MEF2C: variants seen among roughly 807,000 people sequenced by gnomAD.
The protein encoded by MEF2C is myocyte-specific enhancer factor 2C.
MEF2C carries 6 observed loss-of-function variants against 50.5 expected under a neutral mutation model. That is an observed-to-expected ratio of 0.12 (90% confidence interval 0.07 to 0.23). The LOEUF is 0.23. Among genes scored for constraint, MEF2C ranks in the 10% least tolerant of loss-of-function variants. The pLI, the probability that MEF2C is intolerant of heterozygous loss-of-function variation, is 1.00. For synonymous variants in MEF2C, 183 were observed against 228.0 expected, an observed-to-expected ratio of 0.80 and a Z score of 1.78; for missense variants, 276 against 605.0, an observed-to-expected ratio of 0.46 and a Z score of 5.70.
intron 3 of MEF2C, among the ~76,000 whole-genome samples, chr5:88,765,702 T>C (rs1462581323): frequency 6.6e-6 from 1 of 152,216 alleles, no homozygotes; most frequent in African/African-American, 2.4e-5. Context: ...ATTGTCATTC[T>C]TTTACAGGGG....
chr5:88,731,976 G>C, intron 6 of MEF2C, 75 bp from the exon 7 acceptor site: 1 of 1,345,822 alleles, frequency 7.4e-7, no homozygotes, highest in South Asian at 1.5e-5. Context: ...CACAACATGA[G>C]AATAAAAACA....
intron 3 of MEF2C, among the ~76,000 whole-genome samples, chr5:88,803,165 A>T (rs1360878753): frequency 6.6e-6 from 1 of 152,238 alleles, no homozygotes; most frequent in Non-Finnish European, 1.5e-5. Context: ...AGTGATCCTA[A>T]ATTTCAAGAT....
intron 2 of MEF2C, among the ~76,000 whole-genome samples, chr5:88,805,823 C>CT (rs869224140): frequency 0.24 from 14,583 of 61,678 alleles, 4,403 homozygotes; most frequent in Non-Finnish European, 0.33. Flanking sequence ...CGTGAACATT[C>CT]TTTTTTTTTT....
chr5:88,739,929 G>T (rs1366932034), intron 6 of MEF2C: 1 of 985,108 alleles, frequency 1.0e-6, no homozygotes, highest in Admixed American at 6.2e-5. Flanking sequence ...CAAAATAAAG[G>T]CTCCACTTTT....
intron 3 of MEF2C, among the ~76,000 whole-genome samples, chr5:88,802,068 T>C (rs1798595433): frequency 6.6e-6 from 1 of 152,228 alleles, no homozygotes; most frequent in African/African-American, 2.4e-5. Flanking sequence ...ATCCAAATAA[T>C]TGAGCCATCC....
upstream of MEF2C, chr5:88,883,755 C>G (rs1357035682): frequency 1.3e-5 from 2 of 152,062 alleles, no homozygotes; most frequent in Admixed American, 1.3e-4. Flanking sequence ...TTCACTCTTG[C>G]AAAAGGGGGG....
At chr5:88,836,258 T>C (rs1815060621) in intron 1 of MEF2C, among the ~76,000 whole-genome samples, 1 of 152,126 alleles carries the variant, frequency 6.6e-6, no homozygotes, top group South Asian at 2.1e-4. Flanking sequence ...ATAGATATTA[T>C]AACAAAAAAT....
chr5:88,803,903 T>C (rs1312525304), intron 3 of MEF2C, among the ~76,000 whole-genome samples: 2 of 152,200 alleles, frequency 1.3e-5, no homozygotes, highest in African/African-American at 4.8e-5. Context: ...ACTTTCAGCA[T>C]CATGCTTATT....
intron 4 of MEF2C, among the ~76,000 whole-genome samples, chr5:88,758,244 C>A (rs1776261645): frequency 6.6e-6 from 1 of 152,142 alleles, no homozygotes; most frequent in African/African-American, 2.4e-5. Flanking sequence ...CATACTGTTT[C>A]TTTCCACTTC....
chr5:88,829,386 T>C (rs1256355800), intron 1 of MEF2C, among the ~76,000 whole-genome samples: 1 of 152,044 alleles, frequency 6.6e-6, no homozygotes, highest in Admixed American at 6.6e-5. Context: ...TCCTTCTCCT[T>C]TGCAGCACTC....
At chr5:88,844,734 G>T (rs1818686650) in intron 1 of MEF2C, 1 of 221,342 alleles carries the variant, frequency 4.5e-6, no homozygotes, top group South Asian at 1.6e-4. Flanking sequence ...TTTAAATAGT[G>T]TTATAGTATA....
rs1278308798 is a variant in MEF2C at position 88,721,630 on chromosome 5, A to AT, written c.*973dup. 118 of 152,642 alleles carry AT rather than the reference A, an allele frequency of 7.7e-4. No individual in the cohort carries two copies. Among genetic ancestry groups the AT allele is most frequent in the Non-Finnish European group, 5.7e-4 (39 of 68,014 alleles). 9.5% of individuals were successfully genotyped at this position (152,642 alleles called of 1,614,324 possible). On this transcript the variant is annotated 3_prime_UTR_variant, in exon 11 of 11. Transcript: ENST00000504921. ...ATACACAAGCATGTTAATTTCACAGATTTTTTTAAAAGATTCTTAATATTT... is the reference window on the plus strand; with the variant it reads ...ATACACAAGCATGTTAATTTCACAGATTTTTTTTAAAAGATTCTTAATATTT...
At chr5:88,772,703 T>C (rs1309248772) in intron 3 of MEF2C, 1 of 982,812 alleles carries the variant, frequency 1.0e-6, no homozygotes, top group Admixed American at 6.2e-5. Flanking sequence ...TTCAAATCTT[T>C]TTAAAATTGA....
intron 1 of MEF2C, among the ~76,000 whole-genome samples, chr5:88,875,043 A>T (rs982675214): frequency 4.6e-5 from 7 of 151,984 alleles, no homozygotes; most frequent in Admixed American, 3.9e-4. Flanking sequence ...AGGATTTTTT[A>T]AAAATCACAT....
chr5:88,750,245 C>T, intron 5 of MEF2C: 1 of 273,422 alleles, frequency 3.7e-6, no homozygotes, highest in Non-Finnish European at 5.5e-6. Flanking sequence ...GCTCTGTTGC[C>T]CAGGCTGGAG....
At chr5:88,817,549 A>C (rs1422051123) in intron 2 of MEF2C, among the ~76,000 whole-genome samples, 1 of 151,982 alleles carries the variant, frequency 6.6e-6, no homozygotes, top group Non-Finnish European at 1.5e-5. Context: ...TTTAGTCATA[A>C]GGGGATTCTC....
intron 6 of MEF2C, chr5:88,743,108 A>C: frequency 1.0e-6 from 1 of 961,370 alleles, no homozygotes; most frequent in Non-Finnish European, 1.2e-6. Context: ...CTATTAACCT[A>C]GATTTTTTTC....
At chr5:88,867,731 T>C (rs1444206285) in intron 1 of MEF2C, among the ~76,000 whole-genome samples, 1 of 152,210 alleles carries the variant, frequency 6.6e-6, no homozygotes, top group Non-Finnish European at 1.5e-5. Flanking sequence ...TCCTAAGTCA[T>C]ACTTGAAAGT....
At chr5:88,762,090 G>A (rs1778131947) in intron 3 of MEF2C, among the ~76,000 whole-genome samples, 1 of 152,098 alleles carries the variant, frequency 6.6e-6, no homozygotes, top group Non-Finnish European at 1.5e-5. Flanking sequence ...ACTAGCAAGG[G>A]TTCCTCCTAG....
Sources: allele counts gnomAD v4.1 joint callset (sites outside exome capture counted in the v4.1 genomes callset), GRCh38; gene constraint gnomAD v4.1.1; transcripts MANE v1.5; gene names NCBI Gene and HGNC (gene_info 2026-07-23, HGNC 2026-07-21).